Variants in STARD13 observed in about 807,000 individuals in gnomAD.
STARD13 encodes StAR related lipid transfer domain containing 13, also known as stAR-related lipid transfer protein 13.
Under a neutral mutation model 106.4 loss-of-function variants are expected in STARD13, and 62 were observed. That is an observed-to-expected ratio of 0.58 (90% CI 0.48 to 0.72). STARD13 has a LOEUF of 0.72. Among genes scored for constraint, STARD13 ranks in the 30% least tolerant of loss-of-function variants. STARD13 has a pLI of 0.00. For missense variants in STARD13, 1,387 were observed against 1,424.0 expected (o/e 0.97, Z 0.42); for synonymous variants, 565 against 553.0 (o/e 1.02, Z -0.31).
the STARD13 span, among the ~76,000 whole-genome samples, chr13:33,543,051 CTG>C: frequency 1.3e-5 from 2 of 152,224 alleles, no homozygotes; most frequent in Non-Finnish European, 1.5e-5. Context: ...GGAGCGGAAA[CTG>C]TTCTTTCTCT....
At chr13:33,596,074 T>A in the STARD13 span, among the ~76,000 whole-genome samples, 4 of 152,198 alleles carry the variant, frequency 2.6e-5, no homozygotes, top group Non-Finnish European at 5.9e-5. Flanking sequence ...TTATCCAATA[T>A]GTGATTTCAT....
chr13:33,320,657 C>T (rs1006408991), intron 1 of STARD13, among the ~76,000 whole-genome samples: 2 of 152,108 alleles, frequency 1.3e-5, no homozygotes, highest in Non-Finnish European at 2.9e-5. Context: ...TTTCTACCCA[C>T]AGATATTTTT....
intron 1 of STARD13, among the ~76,000 whole-genome samples, chr13:33,168,780 T>G (rs1259410605): frequency 6.6e-6 from 1 of 152,228 alleles, no homozygotes; most frequent in Non-Finnish European, 1.5e-5. Flanking sequence ...GAAAGCTCAG[T>G]GTCTGTGCAG....
intron 1 of STARD13, among the ~76,000 whole-genome samples, chr13:33,323,409 G>T (rs962092561): frequency 2.0e-5 from 3 of 152,046 alleles, no homozygotes; most frequent in Non-Finnish European, 4.4e-5. Flanking sequence ...TACTCTGATC[G>T]CACCCTTCTC....
chr13:33,643,160 C>G, the STARD13 span, among the ~76,000 whole-genome samples: 1 of 18,668 alleles, frequency 5.4e-5, no homozygotes, highest in Non-Finnish European at 9.1e-5. Flanking sequence ...ATAGAACATG[C>G]ACACACACAC....
At chr13:33,303,006 C>T (rs1160575644) in intron 1 of STARD13, among the ~76,000 whole-genome samples, 18 of 152,140 alleles carry the variant, frequency 1.2e-4, no homozygotes, top group Non-Finnish European at 1.8e-4. Flanking sequence ...CCTTTGAAAT[C>T]ATTCATGTTT....
the STARD13 span, among the ~76,000 whole-genome samples, chr13:33,360,787 T>A: frequency 3.0e-5 from 4 of 132,766 alleles, no homozygotes; most frequent in Admixed American, 3.0e-4. Flanking sequence ...ATATGTGGAT[T>A]TTTTTTCTTT....
intron 1 of STARD13, among the ~76,000 whole-genome samples, chr13:33,269,316 A>G (rs1891047799): frequency 6.6e-6 from 1 of 152,258 alleles, no homozygotes. Context: ...ATGTTTATAC[A>G]GTGTGTGTTT....
the STARD13 span, among the ~76,000 whole-genome samples, chr13:33,432,660 T>C: frequency 6.6e-6 from 1 of 152,166 alleles, no homozygotes; most frequent in Admixed American, 6.5e-5. Context: ...GATAATGGGG[T>C]ATGAATAGTA....
At chr13:33,125,730 T>C (rs931815667) in intron 7 of STARD13, among the ~76,000 whole-genome samples, 1 of 151,972 alleles carries the variant, frequency 6.6e-6, no homozygotes, top group Non-Finnish European at 1.5e-5. Flanking sequence ...AAAAGAACAG[T>C]GTGAAATCAA....
At chr13:33,507,048 C>T in the STARD13 span, among the ~76,000 whole-genome samples, 1 of 152,090 alleles carries the variant, frequency 6.6e-6, no homozygotes, top group Admixed American at 6.6e-5. Flanking sequence ...CTGCAGAAGG[C>T]CATGATCCTG....
the STARD13 span, among the ~76,000 whole-genome samples, chr13:33,360,726 A>AATCCTTCTGTGT: frequency 7.4e-6 from 1 of 134,638 alleles, no homozygotes; most frequent in Non-Finnish European, 1.6e-5. Context: ...AGACAGAAGG[A>AATCCTTCTGTGT]CATATTGTTG....
At chr13:33,366,515 G>A in the STARD13 span, among the ~76,000 whole-genome samples, 1 of 151,874 alleles carries the variant, frequency 6.6e-6, no homozygotes, top group Non-Finnish European at 1.5e-5. The surrounding 1 kb of genome is among the most constrained non-coding windows in gnomAD (Gnocchi z 4.2). Context: ...AAACTTAATC[G>A]GGTACCTGCT....
In STARD13 at chr13:33,143,350, C is replaced by T. The variant is rs550823016; in HGVS notation, c.324-977G>A. Among the ~76,000 whole-genome samples, 269 of 152,176 alleles carry T rather than the reference C, an allele frequency of 1.8e-3. 2 individuals are homozygous for T. The highest frequency in any genetic ancestry group is 6.0e-3 in the African/African-American group (247 of 41,510). ...CATCCGTAGATTAGTTTTGCTTCTT[C>T]TTGGTCATTGTGTAAGTAGAATTAT... is the stretch of plus-strand genomic sequence containing the variant. On this transcript the variant is annotated intron_variant, in intron 3 of 13. Coordinates refer to ENST00000336934, the MANE Select transcript of STARD13 (RefSeq NM_178006.4).
At chr13:33,573,600 T>C in the STARD13 span, among the ~76,000 whole-genome samples, 2 of 152,220 alleles carry the variant, frequency 1.3e-5, no homozygotes, top group Non-Finnish European at 2.9e-5. Context: ...ACAATCAGAC[T>C]ATATTATGGT....
chr13:33,247,460 A>G (rs1889886456), intron 1 of STARD13, among the ~76,000 whole-genome samples: 1 of 144,060 alleles, frequency 6.9e-6, no homozygotes, highest in Non-Finnish European at 1.5e-5. Context: ...CGCCAGGACA[A>G]CTGCTCCATA....
intron 1 of STARD13, among the ~76,000 whole-genome samples, chr13:33,342,862 A>G (rs1009400416): frequency 3.9e-5 from 6 of 152,248 alleles, no homozygotes. Context: ...ATGTACTAAT[A>G]GTACTTGCAT....
At chr13:33,250,809 G>A (rs957536607) in intron 1 of STARD13, among the ~76,000 whole-genome samples, 1 of 152,160 alleles carries the variant, frequency 6.6e-6, no homozygotes, top group Non-Finnish European at 1.5e-5. Flanking sequence ...CTCCTCCCAT[G>A]TTCCTTAGTC....
chr13:33,441,902 C>A, the STARD13 span, among the ~76,000 whole-genome samples: 1 of 152,134 alleles, frequency 6.6e-6, no homozygotes, highest in South Asian at 2.1e-4. Context: ...CATCATTTGA[C>A]AATAAACACC....
Sources: allele counts gnomAD v4.1 joint callset (sites outside exome capture counted in the v4.1 genomes callset), GRCh38; gene constraint gnomAD v4.1.1; non-coding constraint Gnocchi (gnomAD v3.1); transcripts MANE v1.5; gene names NCBI Gene and HGNC (gene_info 2026-07-23, HGNC 2026-07-21).